The following ISM1 variants were observed in gnomAD, a reference collection of about 807,000 sequenced individuals.
ISM1 encodes isthmin-1.
A neutral mutation model predicts 46.3 loss-of-function variants in ISM1; 25 were observed. That is an observed-to-expected ratio of 0.54 (90% CI 0.39 to 0.75). ISM1 has a LOEUF of 0.75. Among genes scored for constraint, ISM1 ranks in the 30% least tolerant of loss-of-function variants. The pLI, the probability that ISM1 is intolerant of heterozygous loss-of-function variation, is 0.00. For missense variants in ISM1, 536 were observed against 625.4 expected (o/e 0.86, Z 1.52); for synonymous variants, 255 against 256.7 (o/e 0.99, Z 0.06).
chr20:13,261,075 G>C (rs535314962), intron 1 of ISM1, among the ~76,000 whole-genome samples: 1 of 152,282 alleles, frequency 6.6e-6, no homozygotes, highest in Admixed American at 6.5e-5. Context: ...AGGCACAAGT[G>C]CTTTTCAAGT....
chr20:13,303,294 TG>T (rs138236078), downstream of ISM1, among the ~76,000 whole-genome samples: 848 of 152,336 alleles, frequency 5.6e-3, 10 homozygotes, highest in African/African-American at 0.019. Flanking sequence ...TTGCTTAGAT[TG>T]TTCAAAGAGG....
At chr20:13,250,052 A>G (rs1322146035) in intron 1 of ISM1, among the ~76,000 whole-genome samples, 1 of 152,158 alleles carries the variant, frequency 6.6e-6, no homozygotes, top group Non-Finnish European at 1.5e-5. Flanking sequence ...GCTCACAGTG[A>G]ACAGAAGGGA....
downstream of ISM1, among the ~76,000 whole-genome samples, chr20:13,305,638 G>C (rs967854275): frequency 6.6e-6 from 1 of 152,180 alleles, no homozygotes; most frequent in Non-Finnish European, 1.5e-5. Flanking sequence ...TACAGGTCCT[G>C]CATACAGTAG....
At chr20:13,237,732 G>C (rs1182230923) in intron 1 of ISM1, 1 of 152,196 alleles carries the variant, frequency 6.6e-6, no homozygotes, top group Non-Finnish European at 1.5e-5. Context: ...AAAGAGTAAA[G>C]AATGCAGCAG....
At chr20:13,320,495 G>A in the ISM1 span, among the ~76,000 whole-genome samples, 2 of 152,146 alleles carry the variant, frequency 1.3e-5, no homozygotes, top group Admixed American at 6.5e-5. Flanking sequence ...CAGATATTAG[G>A]TGGCTTTAGA....
At chr20:13,253,859 A>G (rs1380373415) in intron 1 of ISM1, among the ~76,000 whole-genome samples, 1 of 141,578 alleles carries the variant, frequency 7.1e-6, no homozygotes, top group East Asian at 2.1e-4. Context: ...ACACATCCAT[A>G]TCCATATATA....
chr20:13,302,233 T>C (rs6105070), downstream of ISM1, among the ~76,000 whole-genome samples: 14,255 of 152,210 alleles, frequency 0.094, 720 homozygotes, highest in Admixed American at 0.12. Context: ...ATATCAGACC[T>C]TGCTGACCTA....
At chr20:13,270,210 T>C (rs939962593) in intron 1 of ISM1, among the ~76,000 whole-genome samples, 7 of 152,248 alleles carry the variant, frequency 4.6e-5, no homozygotes, top group Admixed American at 1.3e-4. Context: ...TGAACACCTG[T>C]TCTTCCTCAA....
chr20:13,259,007 G>A (rs2123215604), intron 1 of ISM1, among the ~76,000 whole-genome samples: 1 of 152,316 alleles, frequency 6.6e-6, no homozygotes, highest in South Asian at 2.1e-4. Flanking sequence ...TCTGGGCCGG[G>A]CGCAATGGCT....
chr20:13,255,095 A>G (rs1019054501), intron 1 of ISM1, among the ~76,000 whole-genome samples: 5 of 152,210 alleles, frequency 3.3e-5, no homozygotes, highest in Non-Finnish European at 5.9e-5. Context: ...CAAATACTAC[A>G]AATTAAATAA....
At chr20:13,269,254 AG>A (rs1165381837) in intron 1 of ISM1, among the ~76,000 whole-genome samples, 3 of 152,186 alleles carry the variant, frequency 2.0e-5, no homozygotes, top group Admixed American at 2.0e-4. Flanking sequence ...CTATCCCTGA[AG>A]GCTGGAGTAA....
At chr20:13,322,034 G>T in the ISM1 span, among the ~76,000 whole-genome samples, 1 of 152,194 alleles carries the variant, frequency 6.6e-6, no homozygotes, top group Non-Finnish European at 1.5e-5. Flanking sequence ...TGGAAATTGT[G>T]CATGTGTATC....
intron 1 of ISM1, among the ~76,000 whole-genome samples, chr20:13,269,027 C>T (rs747356363): frequency 3.3e-5 from 5 of 152,158 alleles, no homozygotes; most frequent in East Asian, 1.9e-4. Flanking sequence ...TGACCTTGGG[C>T]GCTCAGAGTC....
intron 1 of ISM1, among the ~76,000 whole-genome samples, chr20:13,237,635 A>G (rs533500805): frequency 1.3e-5 from 2 of 152,324 alleles, no homozygotes; most frequent in South Asian, 4.1e-4. Flanking sequence ...TTGGTTGCCT[A>G]GGTGTCTTCA....
At chr20:13,238,139 A>G (rs953036045) in intron 1 of ISM1, 3 of 152,216 alleles carry the variant, frequency 2.0e-5, no homozygotes, top group Admixed American at 2.0e-4. Flanking sequence ...AATACTTTTG[A>G]GAGCACTGTG....
the ISM1 span, among the ~76,000 whole-genome samples, chr20:13,319,748 A>T: frequency 2.0e-5 from 3 of 152,302 alleles, no homozygotes; most frequent in East Asian, 5.8e-4. Context: ...CCCTGCACAC[A>T]CACACTCTAG....
chr20:13,232,718 C>T (rs2039602487), intron 1 of ISM1, among the ~76,000 whole-genome samples: 1 of 152,190 alleles, frequency 6.6e-6, no homozygotes, highest in Non-Finnish European at 1.5e-5. Context: ...CTTTTTGGTG[C>T]ACTCACATAA....
intron 1 of ISM1, among the ~76,000 whole-genome samples, chr20:13,242,161 G>A (rs1279706048): frequency 6.6e-6 from 1 of 152,138 alleles, no homozygotes; most frequent in African/African-American, 2.4e-5. Flanking sequence ...TGCAGTAGAG[G>A]GAAAGGGTAT....
Position 13,299,407 on chromosome 20 carries a change from G to A in ISM1, c.1343G>A (p.Ser448Asn), listed in dbSNP as rs771885002. 34 of 1,611,914 alleles carry A rather than the reference G, an allele frequency of 2.1e-5. No individual in the cohort carries two copies. In the African/African-American group the frequency reaches 4.0e-4, roughly 19 times the overall value. Residue 448 changes from serine (S) to asparagine (N), a missense_variant, in exon 6 of 6, where the codon AGC (serine) becomes AAC (asparagine). This residue lies in a region of ISM1 where 169 missense variants were observed against 249.3 expected (regional missense o/e 0.68). Transcript: ENST00000262487. The surrounding 1 kb of genome is among the most constrained non-coding windows in gnomAD (Gnocchi z 5.8). ...PPNNGQKCTESPSDEDYIKQF... is the reference protein window; with the variant it reads ...PPNNGQKCTENPSDEDYIKQF... ...AACAACGGACAGAAGTGCACAGAGA[G>A]CCCCTCGGACGAGGACTACATCAAG...
Sources: allele counts gnomAD v4.1 joint callset (sites outside exome capture counted in the v4.1 genomes callset), GRCh38; gene constraint gnomAD v4.1.1; regional missense constraint gnomAD v4.1.1; non-coding constraint Gnocchi (gnomAD v3.1); transcripts MANE v1.5; gene names NCBI Gene and HGNC (gene_info 2026-07-23, HGNC 2026-07-21).